The following RBM47 variants were observed in gnomAD, a reference collection of about 807,000 sequenced individuals.
RBM47 encodes the protein RNA-binding protein 47.
In RBM47, 21 loss-of-function variants were observed where a neutral mutation model predicts 47.1. The ratio of observed to expected loss-of-function variants is 0.45; its 90% CI spans 0.32 to 0.64. RBM47 has a LOEUF of 0.64. Among genes scored for constraint, RBM47 ranks in the 30% least tolerant of loss-of-function variants. RBM47 has a pLI of 0.05. For missense variants in RBM47, 708 were observed against 870.9 expected, an observed-to-expected ratio of 0.81 and a Z score of 2.35; for synonymous variants, 375 against 361.7, an observed-to-expected ratio of 1.04 and a Z score of -0.42.
intron 1 of RBM47, among the ~76,000 whole-genome samples, chr4:40,600,061 C>A (rs183441641): frequency 3.7e-4 from 56 of 152,144 alleles, no homozygotes; most frequent in African/African-American, 1.3e-3. Flanking sequence ...AGGCTGGAGT[C>A]CACTGGCGCC....
intron 1 of RBM47, among the ~76,000 whole-genome samples, chr4:40,567,912 T>G (rs66887790): frequency 0.059 from 8,915 of 152,068 alleles, 564 homozygotes; most frequent in African/African-American, 0.14. Flanking sequence ...AACTACAGCT[T>G]CACACTGACC....
intron 2 of RBM47, among the ~76,000 whole-genome samples, chr4:40,502,949 C>T (rs938202798): frequency 7.4e-6 from 1 of 135,604 alleles, no homozygotes; most frequent in Non-Finnish European, 1.5e-5. Flanking sequence ...AGACCATCCT[C>T]GTCAACATAG....
At chr4:40,545,101 G>A (rs1384672251) in intron 1 of RBM47, among the ~76,000 whole-genome samples, 2 of 149,016 alleles carry the variant, frequency 1.3e-5, no homozygotes, top group Admixed American at 6.7e-5. Context: ...ACCCAGGCTG[G>A]AGTGCAGTGG....
chr4:40,466,247 A>C, intron 3 of RBM47, among the ~76,000 whole-genome samples: 1 of 148,456 alleles, frequency 6.7e-6, no homozygotes, highest in African/African-American at 2.5e-5. Context: ...CACCCTGGGT[A>C]ACAGAGTGAG....
At chr4:40,536,897 T>C (rs1728044028) in intron 2 of RBM47, among the ~76,000 whole-genome samples, 1 of 152,038 alleles carries the variant, frequency 6.6e-6, no homozygotes, top group South Asian at 2.1e-4. Flanking sequence ...GGCTAAGTTT[T>C]TGTATTTTTA....
At chr4:40,478,339 C>G (rs1317653203) in intron 2 of RBM47, among the ~76,000 whole-genome samples, 1 of 152,168 alleles carries the variant, frequency 6.6e-6, no homozygotes, top group Non-Finnish European at 1.5e-5. Flanking sequence ...ATAGCTCTGG[C>G]TTGCAACAAG....
At chr4:40,614,725 G>C (rs1402113804) in intron 1 of RBM47, among the ~76,000 whole-genome samples, 1 of 151,776 alleles carries the variant, frequency 6.6e-6, no homozygotes, top group Non-Finnish European at 1.5e-5. Context: ...CAGCTACTGA[G>C]GAGGCTAAGA....
intron 2 of RBM47, among the ~76,000 whole-genome samples, chr4:40,528,953 T>A (rs796145622): frequency 0.027 from 2,764 of 101,300 alleles, 24 homozygotes; most frequent in Middle Eastern, 0.074. Context: ...AAAAAAAAAA[T>A]AAATAAATAA....
intron 2 of RBM47, among the ~76,000 whole-genome samples, chr4:40,481,073 G>GT (rs754609885): frequency 6.6e-6 from 1 of 152,064 alleles, no homozygotes; most frequent in Non-Finnish European, 1.5e-5. Context: ...CAAGTATTTT[G>GT]TGAGTTTTAC....
At chr4:40,615,827 A>G (rs1450973204) in intron 1 of RBM47, among the ~76,000 whole-genome samples, 1 of 152,138 alleles carries the variant, frequency 6.6e-6, no homozygotes, top group Non-Finnish European at 1.5e-5. Flanking sequence ...CAGGCGCTTC[A>G]TATCCTTTTG....
intron 2 of RBM47, among the ~76,000 whole-genome samples, chr4:40,522,773 T>C (rs532745918): frequency 5.9e-5 from 9 of 152,216 alleles, no homozygotes; most frequent in Non-Finnish European, 1.2e-4. Context: ...ATAAACGACA[T>C]GATCTTCTCT....
chr4:40,568,967 G>A (rs999302408), intron 1 of RBM47, among the ~76,000 whole-genome samples: 1 of 144,872 alleles, frequency 6.9e-6, no homozygotes, highest in Admixed American at 6.8e-5. Context: ...GGCGACAATA[G>A]TGAGACTCTG....
intron 2 of RBM47, among the ~76,000 whole-genome samples, chr4:40,524,255 T>A (rs1390740499): frequency 6.6e-6 from 1 of 152,190 alleles, no homozygotes; most frequent in African/African-American, 2.4e-5. Flanking sequence ...AGTACTCTCA[T>A]GATCCCTATT....
chr4:40,443,717 C>CAAAAAAAAAAA lies in RBM47; in HGVS notation c.-31-4804_-31-4794dup, dbSNP rs10581870. Among the ~76,000 whole-genome samples the CAAAAAAAAAAA allele has an allele frequency of 5.2e-4, 25 of 47,744 alleles. 2 individuals are homozygous for CAAAAAAAAAAA. Among genetic ancestry groups the CAAAAAAAAAAA allele is most frequent in the African/African-American group, 1.0e-3 (12 of 11,966 alleles). 31.3% of individuals were successfully genotyped at this position (47,744 alleles called of 152,430 possible). A position where few individuals can be genotyped will look rare whatever the true frequency, so the allele number is the denominator to read the frequency against. On this transcript the variant is annotated intron_variant, in intron 3 of 6. Transcript: ENST00000295971. ...GGGCAACAAGAGTGAAACTCCTTCT[C>CAAAAAAAAAAA]AAAAAAAAAAAAAAAAAAAAAAAAA...
chr4:40,624,428 A>G (rs997857882), intron 1 of RBM47, among the ~76,000 whole-genome samples: 2 of 152,140 alleles, frequency 1.3e-5, no homozygotes, highest in Non-Finnish European at 2.9e-5. Context: ...GATTACCCTG[A>G]TAACAAACTA....
chr4:40,560,964 G>A (rs1376885538), intron 1 of RBM47, among the ~76,000 whole-genome samples: 1 of 148,202 alleles, frequency 6.7e-6, no homozygotes, highest in Non-Finnish European at 1.5e-5. Context: ...ACTCCTTCTC[G>A]GAAAAAAAAA....
chr4:40,428,070 G>A (rs917146728), intron 6 of RBM47, among the ~76,000 whole-genome samples: 2 of 152,094 alleles, frequency 1.3e-5, no homozygotes, highest in Non-Finnish European at 2.9e-5. Flanking sequence ...GCGTACTCCT[G>A]TAGTTCCAGC....
intron 3 of RBM47, among the ~76,000 whole-genome samples, chr4:40,462,355 G>A (rs570857139): frequency 7.3e-4 from 111 of 152,218 alleles, no homozygotes; most frequent in African/African-American, 2.6e-3. Flanking sequence ...ATTTGTTTTT[G>A]TACAAAAGAT....
intron 6 of RBM47, among the ~76,000 whole-genome samples, chr4:40,426,488 G>C (rs2154207946): frequency 6.6e-6 from 1 of 152,270 alleles, no homozygotes; most frequent in African/African-American, 2.4e-5. Context: ...GAGTCCCTGA[G>C]AGAAAATGGC....
Sources: allele counts gnomAD v4.1 joint callset (sites outside exome capture counted in the v4.1 genomes callset), GRCh38; gene constraint gnomAD v4.1.1; transcripts MANE v1.5; gene names NCBI Gene and HGNC (gene_info 2026-07-23, HGNC 2026-07-21).